Variants in FILIP1 observed in about 807,000 individuals in gnomAD.
The protein encoded by FILIP1 is filamin A interacting protein 1.
Under a neutral mutation model 102.1 loss-of-function variants are expected in FILIP1, and 61 were observed. The observed-to-expected ratio is 0.60, with a 90% CI of 0.49 to 0.74. The LOEUF is 0.74. Ranked by LOEUF, FILIP1 falls within the 30% of genes least tolerant of loss-of-function variation. FILIP1 has a pLI of 0.00. For synonymous variants in FILIP1, 491 were observed against 526.9 expected, an observed-to-expected ratio of 0.93 and a Z score of 0.93; for missense variants, 1,314 against 1,441.2, an observed-to-expected ratio of 0.91 and a Z score of 1.43.
chr6:75,446,097 A>G (rs900617750), intron 1 of FILIP1, among the ~76,000 whole-genome samples: 1 of 152,296 alleles, frequency 6.6e-6, no homozygotes, highest in East Asian at 1.9e-4. Context: ...CCAATTTTCA[A>G]AACTCACAAA....
chr6:75,473,035 A>C (rs1181242309), intron 1 of FILIP1, among the ~76,000 whole-genome samples: 1 of 152,166 alleles, frequency 6.6e-6, no homozygotes, highest in African/African-American at 2.4e-5. Context: ...TATACTCTAG[A>C]GGGAAGACTG....
At chr6:75,311,537 C>T (rs1773186172) in intron 5 of FILIP1, among the ~76,000 whole-genome samples, 1 of 152,166 alleles carries the variant, frequency 6.6e-6, no homozygotes, top group African/African-American at 2.4e-5. Flanking sequence ...TGCTCTGTCA[C>T]CCAGGCTGGA....
intron 6 of FILIP1, among the ~76,000 whole-genome samples, chr6:75,302,831 G>GAT (rs751598647): frequency 2.5e-4 from 36 of 145,140 alleles, no homozygotes; most frequent in Non-Finnish European, 3.8e-4. Flanking sequence ...GACATGATAT[G>GAT]ATATGATATG....
At chr6:75,367,051 A>G (rs1775363032) in intron 2 of FILIP1, among the ~76,000 whole-genome samples, 1 of 152,202 alleles carries the variant, frequency 6.6e-6, no homozygotes, top group Non-Finnish European at 1.5e-5. Flanking sequence ...ATACGCAAAT[A>G]TTATTGGTAT....
Position 75,401,682 on chromosome 6 carries a change from C to G in FILIP1, c.276+13015G>C, listed in dbSNP as rs1582450704. Among the ~76,000 whole-genome samples the G allele has an allele frequency of 2.0e-5, 3 of 152,186 alleles. No homozygotes were observed. In the South Asian group the frequency reaches 6.2e-4, roughly 32 times the overall value. On this transcript the variant is annotated intron_variant, in intron 2 of 5. Coordinates refer to ENST00000237172, the MANE Select transcript of FILIP1 (RefSeq NM_015687.5). ...GAACATTTCCTTCTTCAAATAAAGT[C>G]CTATTGTACAGCACAGGTCTAGACC...
At chr6:75,433,506 C>G (rs950653472) in intron 1 of FILIP1, among the ~76,000 whole-genome samples, 2 of 152,118 alleles carry the variant, frequency 1.3e-5, no homozygotes, top group Non-Finnish European at 2.9e-5. Context: ...TATCCTTTGC[C>G]CACTTTTTGA....
chr6:75,330,716 A>G (rs1774051915), intron 4 of FILIP1, among the ~76,000 whole-genome samples: 1 of 152,244 alleles, frequency 6.6e-6, no homozygotes, highest in East Asian at 1.9e-4. Context: ...GTATAATTCA[A>G]GTAATTCAAA....
At chr6:75,487,315 C>T (rs1046981121) in intron 1 of FILIP1, among the ~76,000 whole-genome samples, 4 of 152,046 alleles carry the variant, frequency 2.6e-5, no homozygotes, top group Non-Finnish European at 4.4e-5. Context: ...TGTGTGTTGT[C>T]GTCACAGTAA....
Position 75,465,825 on chromosome 6 carries a change from G to A in FILIP1, c.-7+27589C>T, listed in dbSNP as rs117442005. Among the ~76,000 whole-genome samples, 1,431 of 152,208 alleles carry A rather than the reference G, an allele frequency of 9.4e-3. 13 individuals are homozygous for A. The highest frequency in any genetic ancestry group is 0.015 in the Non-Finnish European group (1,048 of 68,014). On this transcript the variant is annotated intron_variant, in intron 1 of 5. Coordinates refer to ENST00000237172, the MANE Select transcript of FILIP1 (RefSeq NM_015687.5). ...AATCAGATCATGCTCCTTCTCTGCT[G>A]AACAAAACTTCTCAAAAGGAGTAAA...
intron 1 of FILIP1, among the ~76,000 whole-genome samples, chr6:75,444,575 T>G (rs1416982204): frequency 6.6e-6 from 1 of 151,650 alleles, no homozygotes; most frequent in Non-Finnish European, 1.5e-5. Flanking sequence ...CCCACAGGAG[T>G]TTTTAGGTGT....
chr6:75,354,623 C>T (rs1034912680), intron 3 of FILIP1, among the ~76,000 whole-genome samples: 1 of 150,126 alleles, frequency 6.7e-6, no homozygotes, highest in East Asian at 2.0e-4. Context: ...GTGTAGTGTT[C>T]GCTCAACGTG....
rs58283087 is a variant in FILIP1, at chr6:75,299,852, G to C, written c.3494-3902C>G. On this transcript the variant is annotated intron_variant, in intron 6 of 6. Transcript: ENST00000393004. ...ACCTTACTAAATATTCATCCTCCTT[G>C]GGTGGTATCCCAAAACTACTAGCCA... 4.7e-3 allele frequency among the ~76,000 whole-genome samples: 719 copies of C among 152,168 alleles called. 4 individuals are homozygous for C. The highest frequency in any genetic ancestry group is 0.016 in the African/African-American group (673 of 41,476).
intron 2 of FILIP1, among the ~76,000 whole-genome samples, chr6:75,401,033 A>G (rs1776638938): frequency 1.3e-5 from 2 of 152,012 alleles, no homozygotes; most frequent in South Asian, 4.1e-4. Context: ...AAAAATCAGA[A>G]CAAAACAAAA....
intron 1 of FILIP1, among the ~76,000 whole-genome samples, chr6:75,457,000 T>G (rs906860764): frequency 2.0e-5 from 3 of 152,238 alleles, no homozygotes; most frequent in African/African-American, 7.2e-5. Flanking sequence ...TTCATACCTA[T>G]GGAAAGCACT....
intron 2 of FILIP1, among the ~76,000 whole-genome samples, chr6:75,405,060 G>C (rs1776792338): frequency 1.3e-5 from 2 of 152,080 alleles, no homozygotes; most frequent in African/African-American, 4.8e-5. Context: ...GCTTAGTAAT[G>C]ACAACAACCC....
At chr6:75,456,327 G>A (rs1469706966) in intron 1 of FILIP1, among the ~76,000 whole-genome samples, 2 of 152,120 alleles carry the variant, frequency 1.3e-5, no homozygotes, top group Non-Finnish European at 2.9e-5. Context: ...CTGAGATTGA[G>A]AAAGAAGCAG....
At chr6:75,343,889 C>A (rs887813984) in intron 4 of FILIP1, among the ~76,000 whole-genome samples, 2 of 152,178 alleles carry the variant, frequency 1.3e-5, no homozygotes, top group East Asian at 3.8e-4. Context: ...AGAACAGAGC[C>A]ACCCAGATTA....
In FILIP1 at chr6:75,314,987, A is replaced by G. The variant is rs1773381938; in HGVS notation, c.845T>C (p.Leu282Pro). Residue 282 changes from leucine to proline, a missense_variant, in exon 5 of 6, where the codon CTC (leucine) becomes CCC (proline). Transcript: ENST00000237172. Reference sequence around the variant, plus strand: ...TTTGGATTTGGAAGTAATGGCTTTGAGCTTCTCTTCTTCTTCCCTCAGCTT... The same window carrying G: ...TTTGGATTTGGAAGTAATGGCTTTGGGCTTCTCTTCTTCTTCCCTCAGCTT... ...TQKLREEEEK[L>P]KAITSKSKED... The G allele has an allele frequency of 6.2e-7, 1 of 1,613,868 alleles. No homozygotes were observed. The highest frequency in any genetic ancestry group is 8.5e-7 in the Non-Finnish European group (1 of 1,180,006).
chr6:75,382,109 A>T (rs1775922316), intron 2 of FILIP1, among the ~76,000 whole-genome samples: 1 of 152,178 alleles, frequency 6.6e-6, no homozygotes, highest in South Asian at 2.1e-4. Context: ...ATTTCCCCAC[A>T]CTACATAACT....
Sources: gnomAD v4.1 joint callset for allele counts (sites outside exome capture counted in the v4.1 genomes callset) on GRCh38, gnomAD v4.1.1 for gene constraint, MANE v1.5 for transcripts, NCBI Gene and HGNC (gene_info 2026-07-23, HGNC 2026-07-21) for gene names.